Variants in KIN observed in about 807,000 individuals in gnomAD.
KIN encodes DNA/RNA-binding protein KIN17.
A neutral mutation model predicts 63.0 loss-of-function variants in KIN; 47 were observed. That is an observed-to-expected ratio of 0.75 (90% CI 0.59 to 0.95). KIN has a LOEUF of 0.95. Among genes scored for constraint, KIN ranks in the 40% least tolerant of loss-of-function variants. The pLI, the probability that KIN is intolerant of heterozygous loss-of-function variation, is 0.00. For missense variants in KIN, 408 were observed against 460.9 expected, an observed-to-expected ratio of 0.89 and a Z score of 1.05; for synonymous variants, 160 against 157.7, an observed-to-expected ratio of 1.01 and a Z score of -0.11.
chr10:7,774,293 C>G (rs896453023), intron 7 of KIN, among the ~76,000 whole-genome samples: 1 of 152,136 alleles, frequency 6.6e-6, no homozygotes, highest in Non-Finnish European at 1.5e-5. Flanking sequence ...TTGATAATCT[C>G]TATTCTCAGA....
Position 7,765,214 on chromosome 10 carries a change from A to G in KIN, c.849+839T>C, listed in dbSNP as rs377066484. Among the ~76,000 whole-genome samples, 6 of 151,750 alleles carry G rather than the reference A, an allele frequency of 4.0e-5. No individual in the cohort carries two copies. In the East Asian group the frequency reaches 9.7e-4, roughly 25 times the overall value. On this transcript the variant is annotated intron_variant, in intron 9 of 12. Coordinates refer to ENST00000379562, the MANE Select transcript of KIN (RefSeq NM_012311.4). Reference sequence around the variant, plus strand: ...AGTGGCTCGGGCCAGTAATCCTAACACCCTGGGAAGTCGAGGCAGGAGGAT... The same window carrying G: ...AGTGGCTCGGGCCAGTAATCCTAACGCCCTGGGAAGTCGAGGCAGGAGGAT...
At chr10:7,760,351 GTT>G (rs1325468297) in intron 11 of KIN, among the ~76,000 whole-genome samples, 2 of 151,956 alleles carry the variant, frequency 1.3e-5, no homozygotes, top group African/African-American at 2.4e-5. Context: ...TGGTTTGGCA[GTT>G]TTACAAAAAT....
chr10:7,755,796 G>T lies in KIN; in HGVS notation c.*284C>A, dbSNP rs1440940029. 4.6e-6 allele frequency: 1 copy of T among 216,552 alleles called. No individual in the cohort carries two copies. Among genetic ancestry groups the T allele is most frequent in the African/African-American group, 2.3e-5 (1 of 43,880 alleles). 13.4% of individuals were successfully genotyped at this position (216,552 alleles called of 1,614,324 possible). A position where few individuals can be genotyped will look rare whatever the true frequency, so the allele number is the denominator to read the frequency against. On this transcript the variant is annotated 3_prime_UTR_variant, in exon 13 of 13. Transcript: ENST00000379562. Reference sequence around the variant, plus strand: ...AATTACATGATTCTAAATTGTCATAGATAAAACACTTTATAATAACATTCT... The same window carrying T: ...AATTACATGATTCTAAATTGTCATATATAAAACACTTTATAATAACATTCT...
At chr10:7,787,055 G>A (rs11255367) in intron 1 of KIN, among the ~76,000 whole-genome samples, 15,091 of 146,352 alleles carry the variant, frequency 0.1, 1,066 homozygotes, top group East Asian at 0.25. Flanking sequence ...CTCTTTAATG[G>A]GGAAAAGTGT....
At chr10:7,776,252 A>G (rs1835769059) in intron 5 of KIN, among the ~76,000 whole-genome samples, 1 of 148,076 alleles carries the variant, frequency 6.8e-6, no homozygotes, top group Non-Finnish European at 1.5e-5. Context: ...AAGAAATTAC[A>G]TATTTTGGCC....
chr10:7,772,122 C>T (rs540906412), intron 7 of KIN, among the ~76,000 whole-genome samples: 11 of 152,012 alleles, frequency 7.2e-5, no homozygotes, highest in East Asian at 1.9e-4. Flanking sequence ...TGAGAGCAAA[C>T]GGCAGGAGAC....
rs41299054 is a variant in KIN at position 7,787,760 on chromosome 10, C to G, written c.114+60G>C. The stretch of plus-strand genomic sequence containing the variant: ...CGCGCCCTCAGCCCCGCGTCCAGGA[C>G]CTGATCCTGGATTGCCAGGGGCCCT... On this transcript the variant is annotated intron_variant, in intron 1 of 12. Coordinates refer to ENST00000379562, the MANE Select transcript of KIN (RefSeq NM_012311.4). 3.5e-4 allele frequency: 462 copies of G among 1,335,352 alleles called. 1 individual carries two copies. Among genetic ancestry groups the G allele is most frequent in the Non-Finnish European group, 4.6e-4 (431 of 930,502 alleles). The allele number at this position is 1,335,352 out of a possible 1,614,324, so 82.7% of individuals were successfully genotyped here. A position where few individuals can be genotyped will look rare whatever the true frequency, so the allele number is the denominator to read the frequency against.
Position 7,753,022 on chromosome 10 carries a change from C to T in KIN, c.*3058G>A, listed in dbSNP as rs1211235777. ...GCATGTCATTATACATTTGTCAAAA[C>T]CCACAGAGACTGCTCTAAAAAGTAA... is the stretch of plus-strand genomic sequence containing the variant. On this transcript the variant is annotated 3_prime_UTR_variant, in exon 13 of 13. Coordinates refer to ENST00000379562, the MANE Select transcript of KIN (RefSeq NM_012311.4). The T allele has an allele frequency of 6.6e-6, 1 of 152,076 alleles. No individual in the cohort carries two copies. Among genetic ancestry groups the T allele is most frequent in the Non-Finnish European group, 1.5e-5 (1 of 68,002 alleles). The allele number at this position is 152,076 out of a possible 1,614,324, so 9.4% of individuals were successfully genotyped here. A position where few individuals can be genotyped will look rare whatever the true frequency, so the allele number is the denominator to read the frequency against.
intron 7 of KIN, among the ~76,000 whole-genome samples, chr10:7,773,926 A>G (rs547567251): frequency 6.6e-6 from 1 of 152,348 alleles, no homozygotes; most frequent in South Asian, 2.1e-4. Context: ...AAATTGCAAG[A>G]GAAGATAATG....
At chr10:7,773,713 C>T (rs1387728745) in intron 7 of KIN, among the ~76,000 whole-genome samples, 1 of 152,118 alleles carries the variant, frequency 6.6e-6, no homozygotes, top group African/African-American at 2.4e-5. Context: ...GACCTACAAA[C>T]AAACCCGAAA....
chr10:7,775,894 G>A, intron 5 of KIN, 95 bp from the exon 6 acceptor site: 2 of 715,734 alleles, frequency 2.8e-6, no homozygotes, highest in East Asian at 2.8e-5. Context: ...GTGTTCCCAG[G>A]CAGCTCTAAT....
chr10:7,775,704 TA>T (rs1564321763), intron 6 of KIN, 46 bp downstream of exon 6: 1 of 1,035,280 alleles, frequency 9.7e-7, no homozygotes, highest in Non-Finnish European at 1.4e-6. Context: ...AAAGCCAATA[TA>T]AAAGCATCTA....
intron 7 of KIN, 67 bp downstream of exon 7, chr10:7,774,764 A>T: frequency 8.0e-7 from 1 of 1,251,032 alleles, no homozygotes; most frequent in Non-Finnish European, 1.2e-6. Context: ...CAATACTTTA[A>T]AATACAGTAA....
intron 1 of KIN, among the ~76,000 whole-genome samples, chr10:7,786,592 C>G (rs532752983): frequency 6.7e-6 from 1 of 150,228 alleles, no homozygotes; most frequent in East Asian, 2.0e-4. Context: ...AGGGTGGGAC[C>G]GTATCTCAAA....
In KIN at chr10:7,783,190, A is replaced by T; in HGVS notation, c.115-15T>A. 6.7e-7 allele frequency: 1 copy of T among 1,494,644 alleles called. No homozygotes were observed. Among genetic ancestry groups the T allele is most frequent in the Non-Finnish European group, 9.1e-7 (1 of 1,096,558 alleles). The allele number at this position is 1,494,644 out of a possible 1,614,324, so 92.6% of individuals were successfully genotyped here. A position where few individuals can be genotyped will look rare whatever the true frequency, so the allele number is the denominator to read the frequency against. Reference sequence around the variant, plus strand: ...TTAAAGCCATTCTACAAAAAATGTAAAAGCAATAAATTCTGATTTAGGTCA... The same window carrying T: ...TTAAAGCCATTCTACAAAAAATGTATAAGCAATAAATTCTGATTTAGGTCA... On this transcript the variant is annotated splice_polypyrimidine_tract_variant and intron_variant, in intron 1 of 12. Transcript: ENST00000379562.
intron 11 of KIN, chr10:7,761,191 A>G (rs1835429057): frequency 6.6e-6 from 1 of 152,208 alleles, no homozygotes; most frequent in Non-Finnish European, 1.5e-5. Flanking sequence ...ACCAAATTGT[A>G]TACTTTACAT....
intron 7 of KIN, 122 bp downstream of exon 7, chr10:7,774,709 A>AAAACCAAAAACAGGTGAAAACT: frequency 1.2e-6 from 1 of 823,134 alleles, no homozygotes; most frequent in Non-Finnish European, 2.0e-6. Context: ...GCAACCAATA[A>AAAACCAAAAACAGGTGAAAACT]AAACCAAAAA....
intron 8 of KIN, 111 bp from the exon 9 acceptor site, chr10:7,766,214 C>T: frequency 1.7e-5 from 10 of 602,970 alleles, no homozygotes; most frequent in Non-Finnish European, 2.9e-5. Flanking sequence ...CTCTACTTCA[C>T]AGAAGACCAA....
At chr10:7,780,019 T>C (rs751994076) in intron 4 of KIN, 37 bp downstream of exon 4, 4 of 1,595,970 alleles carry the variant, frequency 2.5e-6, no homozygotes, top group East Asian at 4.5e-5. Flanking sequence ...AGATTAGAAG[T>C]GGGAAAGAAA....
Sources: gnomAD v4.1 joint callset for allele counts (sites outside exome capture counted in the v4.1 genomes callset) on GRCh38, gnomAD v4.1.1 for gene constraint, MANE v1.5 for transcripts, NCBI Gene and HGNC (gene_info 2026-07-23, HGNC 2026-07-21) for gene names.